ARHGEF38: variants seen among roughly 807,000 people sequenced by gnomAD.
ARHGEF38 encodes Rho guanine nucleotide exchange factor 38, also known as Rho guanine nucleotide exchange factor (GEF) 38.
ARHGEF38 carries 79 observed loss-of-function variants against 79.9 expected under a neutral mutation model. That is an observed-to-expected ratio of 0.99 (90% CI 0.82 to 1.19). ARHGEF38 has a LOEUF of 1.19. Among genes scored for constraint, ARHGEF38 ranks in the 50% most tolerant of loss-of-function variants. The pLI is 0.00. For missense variants in ARHGEF38, 962 were observed against 907.2 expected (o/e 1.06, Z -0.78); for synonymous variants, 366 against 328.3 (o/e 1.11, Z -1.24).
chr4:105,652,737 C>T (rs558067105), intron 7 of ARHGEF38, among the ~76,000 whole-genome samples: 1 of 152,054 alleles, frequency 6.6e-6, no homozygotes, highest in Admixed American at 6.6e-5. Flanking sequence ...AAAAAATCTG[C>T]CCCAGCATAT....
intron 4 of ARHGEF38, among the ~76,000 whole-genome samples, chr4:105,633,282 G>A (rs977463111): frequency 1.3e-5 from 2 of 152,170 alleles, no homozygotes; most frequent in Non-Finnish European, 2.9e-5. Context: ...TAAAGTTAAT[G>A]ATGGATTGTA....
intron 8 of ARHGEF38, among the ~76,000 whole-genome samples, chr4:105,655,319 A>G (rs965490134): frequency 2.6e-5 from 4 of 152,238 alleles, no homozygotes; most frequent in African/African-American, 4.8e-5. Context: ...ATTTGTAAGA[A>G]TTGCAAGCTA....
chr4:105,594,018 T>C (rs2110465385), intron 2 of ARHGEF38, among the ~76,000 whole-genome samples: 1 of 152,316 alleles, frequency 6.6e-6, no homozygotes, highest in Middle Eastern at 3.4e-3. Context: ...GACCTTGTTA[T>C]TTAGCTATCT....
intron 5 of ARHGEF38, among the ~76,000 whole-genome samples, chr4:105,641,744 CATA>C (rs1729627034): frequency 1.3e-5 from 2 of 151,538 alleles, no homozygotes; most frequent in South Asian, 2.1e-4. Context: ...TGTTTTCCAG[CATA>C]ATGTTTATAT....
intron 5 of ARHGEF38, among the ~76,000 whole-genome samples, chr4:105,641,618 A>G (rs1422474188): frequency 6.6e-6 from 1 of 152,134 alleles, no homozygotes; most frequent in Admixed American, 6.6e-5. Context: ...ATCATGAAAT[A>G]AAGGAAATTC....
chr4:105,654,830 A>T (rs1294666532), intron 8 of ARHGEF38, among the ~76,000 whole-genome samples: 1 of 152,216 alleles, frequency 6.6e-6, no homozygotes, highest in Non-Finnish European at 1.5e-5. Flanking sequence ...TGACCATGAC[A>T]CATAGAAAGT....
chr4:105,630,884 T>C lies in ARHGEF38; in HGVS notation c.509-14T>C. ...TCTGATGATGTCATTTTGCCTTTGT[T>C]TTGCATTTATCAGGAGAAGTATTCT... On this transcript the variant is annotated splice_polypyrimidine_tract_variant and intron_variant, in intron 3 of 13. Coordinates refer to ENST00000420470, the MANE Select transcript of ARHGEF38 (RefSeq NM_001242729.2). 6.3e-7 allele frequency: 1 copy of C among 1,594,382 alleles called. No individual in the cohort carries two copies. Among genetic ancestry groups the C allele is most frequent in the Non-Finnish European group, 8.5e-7 (1 of 1,172,690 alleles).
In ARHGEF38 at chr4:105,632,537, G is replaced by C. The variant is rs138146378; in HGVS notation, c.656+1492G>C. On this transcript the variant is annotated intron_variant, in intron 4 of 13. Coordinates refer to ENST00000420470, the MANE Select transcript of ARHGEF38 (RefSeq NM_001242729.2). ...AATAAATTCATATATTAGAAGCACAGTCCTCTAAATGTTCAGCTGTTTTAT... is the reference window on the plus strand; with the variant it reads ...AATAAATTCATATATTAGAAGCACACTCCTCTAAATGTTCAGCTGTTTTAT... Among the ~76,000 whole-genome samples, 7 of 152,286 alleles carry C rather than the reference G, an allele frequency of 4.6e-5. No individual in the cohort carries two copies. In the East Asian group the frequency reaches 1.3e-3, roughly 29 times the overall value.
chr4:105,582,589 G>A (rs960925885), intron 1 of ARHGEF38, among the ~76,000 whole-genome samples: 2 of 151,906 alleles, frequency 1.3e-5, no homozygotes, highest in African/African-American at 4.8e-5. Flanking sequence ...TTAATTTCAT[G>A]GTAGTTGTGG....
intron 8 of ARHGEF38, among the ~76,000 whole-genome samples, chr4:105,654,866 A>G (rs1334575557): frequency 2.0e-5 from 3 of 152,202 alleles, no homozygotes; most frequent in Admixed American, 2.0e-4. Context: ...TAAATCAGTT[A>G]CTAAATTGTC....
chr4:105,596,166 G>T (rs111549560), intron 2 of ARHGEF38, among the ~76,000 whole-genome samples: 1 of 152,184 alleles, frequency 6.6e-6, no homozygotes, highest in Non-Finnish European at 1.5e-5. Context: ...GGATGGTGGG[G>T]AGTATATTGA....
chr4:105,617,005 G>T (rs910104253), intron 3 of ARHGEF38, among the ~76,000 whole-genome samples: 5 of 152,156 alleles, frequency 3.3e-5, no homozygotes, highest in African/African-American at 1.2e-4. Flanking sequence ...TAAAACAATG[G>T]TTACTAATGA....
chr4:105,598,760 A>G (rs1369544146), intron 2 of ARHGEF38, among the ~76,000 whole-genome samples: 1 of 152,082 alleles, frequency 6.6e-6, no homozygotes, highest in Non-Finnish European at 1.5e-5. Context: ...GTTTCTCCAT[A>G]ATAAGGCCAG....
intron 4 of ARHGEF38, among the ~76,000 whole-genome samples, chr4:105,632,074 T>A (rs1474681755): frequency 6.6e-6 from 1 of 152,190 alleles, no homozygotes; most frequent in Non-Finnish European, 1.5e-5. Flanking sequence ...AAGAGGTTTT[T>A]AGCTGCACTA....
chr4:105,633,962 T>C (rs1729298379), intron 4 of ARHGEF38, among the ~76,000 whole-genome samples: 1 of 152,206 alleles, frequency 6.6e-6, no homozygotes, highest in African/African-American at 2.4e-5. Context: ...CTTTCAATTA[T>C]TCTTTGAAGC....
chr4:105,648,747 G>A (rs1729962226), intron 7 of ARHGEF38, 65 bp downstream of exon 7: 2 of 1,415,452 alleles, frequency 1.4e-6, no homozygotes, highest in East Asian at 5.3e-5. Context: ...TTTTTGTGAG[G>A]TTTTGTTTTG....
chr4:105,561,404 A>AGAATAGAATAGAATG lies in ARHGEF38; in HGVS notation c.196+8457_196+8458insGGAATAGAATAGAAT, dbSNP rs1560684106. 5.8e-3 allele frequency among the ~76,000 whole-genome samples: 219 copies of AGAATAGAATAGAATG among 37,806 alleles called. 40 individuals are homozygous for AGAATAGAATAGAATG. Among genetic ancestry groups the AGAATAGAATAGAATG allele is most frequent in the South Asian group, 0.028 (36 of 1,268 alleles). The allele number at this position is 37,806 out of a possible 152,430, so 24.8% of individuals were successfully genotyped here. ...AGTCTCAAAAATAGAGTAGAATAAT[A>AGAATAGAATAGAATG]GAATAGAATAGAATAGAATGGAATA... On this transcript the variant is annotated intron_variant, in intron 1 of 13. Transcript: ENST00000420470.
chr4:105,657,339 T>C (rs945758943), intron 9 of ARHGEF38, among the ~76,000 whole-genome samples: 2 of 152,120 alleles, frequency 1.3e-5, no homozygotes, highest in Non-Finnish European at 2.9e-5. Context: ...AGATGATTAA[T>C]TAGGCTAAGT....
chr4:105,553,920 A>G (rs538798668), intron 1 of ARHGEF38, among the ~76,000 whole-genome samples: 3 of 152,316 alleles, frequency 2.0e-5, no homozygotes, highest in South Asian at 2.1e-4. Flanking sequence ...GGACATGCTT[A>G]TATTTAACAA....
Sources: allele counts gnomAD v4.1 joint callset (sites outside exome capture counted in the v4.1 genomes callset), GRCh38; gene constraint gnomAD v4.1.1; transcripts MANE v1.5; gene names NCBI Gene and HGNC (gene_info 2026-07-23, HGNC 2026-07-21).